Variants in CGRRF1 observed in about 807,000 individuals in gnomAD.
CGRRF1 encodes the protein cell growth regulator with RING finger domain protein 1.
CGRRF1 carries 32 observed loss-of-function variants against 37.2 expected under a neutral mutation model. That is an observed-to-expected ratio of 0.86 (90% CI 0.65 to 1.16). The LOEUF (loss-of-function observed/expected upper bound fraction) is 1.16, where lower values mean the gene tolerates loss of function less well. Among genes scored for constraint, CGRRF1 ranks in the 50% most tolerant of loss-of-function variants. CGRRF1 has a pLI of 0.00. For missense variants in CGRRF1, 391 were observed against 382.6 expected (o/e 1.02, Z -0.18); for synonymous variants, 141 against 140.3 (o/e 1.00, Z -0.04).
intron 2 of CGRRF1, among the ~76,000 whole-genome samples, chr14:54,526,120 A>T (rs2032407555): frequency 6.9e-6 from 1 of 145,382 alleles, no homozygotes; most frequent in African/African-American, 2.5e-5. Context: ...AAAAAAACAC[A>T]CATGCTTTTT....
chr14:54,509,990 G>A lies in CGRRF1; in HGVS notation c.31G>A (p.Glu11Lys). 1.2e-6 allele frequency: 2 copies of A among 1,613,962 alleles called. No individual in the cohort carries two copies. Among genetic ancestry groups the A allele is most frequent in the Non-Finnish European group, 1.7e-6 (2 of 1,179,814 alleles). The change falls in exon 1 of 6, where the codon GAA (glutamate) becomes AAA (lysine). Residue 11 changes from glutamate to lysine, a missense_variant. Glu to Lys is a moderately conservative substitution (Grantham distance 56). Transcript: ENST00000216420. ...TGCGGTGTTTCTGGTAACGCTTTATGAATACTCGCCGCTTTTCTACATCGC... is the reference window on the plus strand; with the variant it reads ...TGCGGTGTTTCTGGTAACGCTTTATAAATACTCGCCGCTTTTCTACATCGC... MAAVFLVTLY[E>K]YSPLFYIAVV...
intron 4 of CGRRF1, among the ~76,000 whole-genome samples, chr14:54,532,095 A>C (rs921044754): frequency 2.0e-5 from 3 of 152,162 alleles, no homozygotes; most frequent in African/African-American, 7.2e-5. Context: ...AAGAGATGGA[A>C]CAAGAGCTTG....
At chr14:54,515,096 T>G (rs947685434) in intron 1 of CGRRF1, among the ~76,000 whole-genome samples, 9 of 148,936 alleles carry the variant, frequency 6.0e-5, no homozygotes, top group South Asian at 2.1e-4. Flanking sequence ...TTTTGTTTTT[T>G]TTTTTTTTTT....
chr14:54,531,986 A>G (rs1482110288), intron 4 of CGRRF1, among the ~76,000 whole-genome samples: 1 of 152,078 alleles, frequency 6.6e-6, no homozygotes, highest in African/African-American at 2.4e-5. Context: ...ACATGAACTT[A>G]TTTTTTTCTT....
Position 54,538,465 on chromosome 14 carries a change from TACAGTACTGACCATC to T in CGRRF1, c.*84_*98del. ...TTGGAATTCATCATAACATGGAATC[TACAGTACTGACCATC>T]AATGAAAATTATATTTTAACTTCAT... On this transcript the variant is annotated 3_prime_UTR_variant, in exon 6 of 6. Transcript: ENST00000216420. 1 of 941,094 alleles carries T rather than the reference TACAGTACTGACCATC, an allele frequency of 1.1e-6. No homozygotes were observed. Among genetic ancestry groups the T allele is most frequent in the Non-Finnish European group, 1.6e-6 (1 of 620,454 alleles). The allele number at this position is 941,094 out of a possible 1,614,324, so 58.3% of individuals were successfully genotyped here.
chr14:54,529,486 G>T (rs2032470403), intron 2 of CGRRF1, among the ~76,000 whole-genome samples: 1 of 152,138 alleles, frequency 6.6e-6, no homozygotes, highest in South Asian at 2.1e-4. Flanking sequence ...CTTTTCCTCA[G>T]GATATTTTGC....
intron 2 of CGRRF1, 54 bp downstream of exon 2, chr14:54,522,647 C>T (rs903565897): frequency 4.7e-6 from 7 of 1,484,142 alleles, no homozygotes; most frequent in Non-Finnish European, 6.4e-6. Flanking sequence ...CTTTTTTTAG[C>T]CCTTTTATTT....
At chr14:54,517,966 A>C (rs948321079) in intron 1 of CGRRF1, among the ~76,000 whole-genome samples, 6 of 152,176 alleles carry the variant, frequency 3.9e-5, no homozygotes. Flanking sequence ...GTTCCTTTTT[A>C]TGGCTGCATA....
At chr14:54,532,570 A>C (rs965872658) in intron 4 of CGRRF1, among the ~76,000 whole-genome samples, 1 of 152,170 alleles carries the variant, frequency 6.6e-6, no homozygotes, top group Non-Finnish European at 1.5e-5. Context: ...TATATATCAA[A>C]ACATCCTGTT....
At chr14:54,523,941 G>A (rs1245798030) in intron 2 of CGRRF1, among the ~76,000 whole-genome samples, 1 of 152,068 alleles carries the variant, frequency 6.6e-6, no homozygotes, top group Non-Finnish European at 1.5e-5. Flanking sequence ...ATCTTTCTCT[G>A]CTTTTCATCC....
chr14:54,517,433 T>C (rs1238901449), intron 1 of CGRRF1, among the ~76,000 whole-genome samples: 2 of 152,220 alleles, frequency 1.3e-5, no homozygotes, highest in Non-Finnish European at 2.9e-5. Flanking sequence ...TTATTTCATT[T>C]GTTAATTTTA....
chr14:54,522,506 A>G lies in CGRRF1; in HGVS notation c.157A>G (p.Ser53Gly). Residue 53 changes from serine to glycine, a missense_variant, in exon 2 of 6, where the codon AGC (serine) becomes GGC (glycine). By Grantham distance (56) the Ser-to-Gly change is moderately conservative (BLOSUM62 0). Coordinates refer to ENST00000216420, the MANE Select transcript of CGRRF1 (RefSeq NM_006568.3). The stretch of plus-strand genomic sequence containing the variant: ...GAGAAATTCAGAAGAGACCCAGTTC[A>G]GCACAAGAGTTTTCAAAAAGCAAAT... ...ILRNSEETQF[S>G]TRVFKKQMRQ... The G allele has an allele frequency of 1.2e-6, 2 of 1,606,742 alleles. No homozygotes were observed. The highest frequency in any genetic ancestry group is 1.7e-6 in the Non-Finnish European group (2 of 1,177,360).
intron 1 of CGRRF1, 62 bp downstream of exon 1, chr14:54,510,125 C>A: frequency 3.1e-6 from 4 of 1,270,924 alleles, no homozygotes; most frequent in African/African-American, 1.5e-5. Flanking sequence ...TCGCGACGAG[C>A]AGCAGGGGGC....
chr14:54,534,239 C>T (rs1273416361), intron 4 of CGRRF1, among the ~76,000 whole-genome samples: 1 of 152,116 alleles, frequency 6.6e-6, no homozygotes, highest in Non-Finnish European at 1.5e-5. Context: ...ATTCTCCTGC[C>T]TCAGCCTCCC....
intron 4 of CGRRF1, 63 bp downstream of exon 4, chr14:54,531,113 T>G (rs551722755): frequency 9.4e-5 from 120 of 1,274,802 alleles, no homozygotes; most frequent in Non-Finnish European, 1.2e-4. Flanking sequence ...TTCTTCATTA[T>G]TTGATAAATA....
At chr14:54,531,573 A>G (rs1202207732) in intron 4 of CGRRF1, among the ~76,000 whole-genome samples, 1 of 152,184 alleles carries the variant, frequency 6.6e-6, no homozygotes, top group Non-Finnish European at 1.5e-5. Flanking sequence ...GAAAGTGCTC[A>G]ATTTTAAGAT....
intron 1 of CGRRF1, among the ~76,000 whole-genome samples, chr14:54,518,118 A>G (rs1253455499): frequency 6.6e-6 from 1 of 152,190 alleles, no homozygotes; most frequent in Non-Finnish European, 1.5e-5. Flanking sequence ...AGAATGATTT[A>G]TATTCCTTTG....
intron 4 of CGRRF1, among the ~76,000 whole-genome samples, chr14:54,533,757 T>G (rs1193360948): frequency 6.6e-6 from 1 of 152,106 alleles, no homozygotes; most frequent in African/African-American, 2.4e-5. Context: ...CTACAAAATT[T>G]TGACTTTAAA....
intron 1 of CGRRF1, among the ~76,000 whole-genome samples, chr14:54,522,128 A>G (rs570568241): frequency 5.3e-5 from 8 of 152,328 alleles, no homozygotes; most frequent in East Asian, 1.9e-4. Context: ...GTACACTTCA[A>G]ATTATCTCTA....
Sources: allele counts gnomAD v4.1 joint callset (sites outside exome capture counted in the v4.1 genomes callset), GRCh38; gene constraint gnomAD v4.1.1; transcripts MANE v1.5; gene names NCBI Gene and HGNC (gene_info 2026-07-23, HGNC 2026-07-21).